Variants in TTC21A observed in about 807,000 individuals in gnomAD.
The protein encoded by TTC21A is tetratricopeptide repeat protein 21A.
TTC21A carries 128 observed loss-of-function variants against 156.4 expected under a neutral mutation model. That is an observed-to-expected ratio of 0.82 (90% confidence interval 0.71 to 0.95). The LOEUF (loss-of-function observed/expected upper bound fraction) is 0.95. Among genes scored for constraint, TTC21A ranks in the 40% least tolerant of loss-of-function variants. The pLI, the probability that TTC21A is intolerant of heterozygous loss-of-function variation, is 0.00. For synonymous variants in TTC21A, 587 were observed against 617.1 expected (o/e 0.95, Z 0.72); for missense variants, 1,435 against 1,602.3 (o/e 0.90, Z 1.78).
chr3:39,129,078 G>A lies in TTC21A; in HGVS notation c.1903G>A (p.Ala635Thr), dbSNP rs2038511665. The change falls in exon 15 of 29, where the codon GCC becomes ACC. Residue 635 changes from alanine to threonine, a missense_variant. Ala to Thr is a moderately conservative substitution (Grantham distance 58). Coordinates refer to ENST00000683103, the MANE Select transcript of TTC21A (RefSeq NM_001366900.1). ...ALRLNGELHE[A>T]TKVMQDTINE... ...TTTGATTCCCATGTTTTAGCATGAGGCCACCAAGGTCATGCAGGACACCAT... is the reference window on the plus strand; with the variant it reads ...TTTGATTCCCATGTTTTAGCATGAGACCACCAAGGTCATGCAGGACACCAT... The A allele has an allele frequency of 6.2e-7, 1 of 1,614,162 alleles. No homozygotes were observed. Among genetic ancestry groups the A allele is most frequent in the African/African-American group, 1.3e-5 (1 of 75,062 alleles).
chr3:39,137,089 C>T, intron 24 of TTC21A, 29 bp downstream of exon 24: 1 of 1,608,022 alleles, frequency 6.2e-7, no homozygotes, highest in Non-Finnish European at 8.5e-7. Flanking sequence ...AGGGGCGGAA[C>T]CCTGGGGAAG....
At chr3:39,120,783 T>C (rs1232395447) in intron 8 of TTC21A, among the ~76,000 whole-genome samples, 2 of 152,226 alleles carry the variant, frequency 1.3e-5, no homozygotes, top group African/African-American at 4.8e-5. Flanking sequence ...CAGAGGACCC[T>C]GTGGCTAGAG....
chr3:39,110,526 T>C (rs1424902529), intron 3 of TTC21A, among the ~76,000 whole-genome samples: 1 of 129,396 alleles, frequency 7.7e-6, no homozygotes, highest in Non-Finnish European at 1.6e-5. Flanking sequence ...GACTACTATT[T>C]CCCTACTCAC....
chr3:39,136,254 C>A, intron 22 of TTC21A, 103 bp from the exon 23 acceptor site: 1 of 1,279,464 alleles, frequency 7.8e-7, no homozygotes, highest in Non-Finnish European at 1.1e-6. Context: ...CCCTGCTCAG[C>A]CCAGATGGGC....
chr3:39,117,112 C>T (rs901402539), intron 6 of TTC21A, among the ~76,000 whole-genome samples: 2 of 152,132 alleles, frequency 1.3e-5, no homozygotes, highest in Non-Finnish European at 2.9e-5. Flanking sequence ...CATTTTTGCA[C>T]AGTCTACACA....
rs2038242138 is a variant in TTC21A, at chr3:39,126,357, C to T, written c.1489C>T (p.Leu497=). ...AGCAGCACCAGCTCTGATCGACCCC[C>T]TGTATTTGATGGCTCAGGTCAGGTA... ...VKAAPALIDP[L]YLMAQVRYYS... The change falls in exon 12 of 29, where the codon CTG becomes TTG. Residue 497 remains leucine (L), a synonymous_variant. Transcript: ENST00000683103. The T allele has an allele frequency of 6.2e-7, 1 of 1,614,050 alleles. No homozygotes were observed.
Position 39,107,767 on chromosome 3 carries a change from C to A in TTC21A, c.-71C>A. The A allele has an allele frequency of 6.2e-7, 1 of 1,603,130 alleles. No individual in the cohort carries two copies. Among genetic ancestry groups the A allele is most frequent in the Non-Finnish European group, 8.5e-7 (1 of 1,174,020 alleles). ...ACCGCCCGCCGCGATAGAGTGCCCA[C>A]GACCCTGCCTCGGGAATCCCGCTCT... On this transcript the variant is annotated 5_prime_UTR_variant, in exon 1 of 29. Coordinates refer to ENST00000683103, the MANE Select transcript of TTC21A (RefSeq NM_001366900.1).
At chr3:39,110,002 G>C (rs1263049286) in intron 2 of TTC21A, 27 bp from the exon 3 acceptor site, 1 of 1,550,994 alleles carries the variant, frequency 6.4e-7, no homozygotes, top group Non-Finnish European at 8.9e-7. Flanking sequence ...GAGCTTGAGA[G>C]TATAACTATG....
In TTC21A at chr3:39,128,766, A is replaced by T; in HGVS notation, c.1730A>T (p.Lys577Met). 6.2e-7 allele frequency: 1 copy of T among 1,614,142 alleles called. No homozygotes were observed. The highest frequency in any genetic ancestry group is 8.5e-7 in the Non-Finnish European group (1 of 1,180,028). The change falls in exon 14 of 29, where the codon AAG becomes ATG. Residue 577 changes from lysine to methionine, a missense_variant. Transcript: ENST00000683103. ...YHLIKARALN[K>M]AGDYPEAIKT... ...CTCATCAAGGCCAGGGCCCTCAACAAGGCTGGAGACTATCCAGAGGCCATA... is the reference window on the plus strand; with the variant it reads ...CTCATCAAGGCCAGGGCCCTCAACATGGCTGGAGACTATCCAGAGGCCATA...
At chr3:39,109,359 C>A in intron 2 of TTC21A, 145 bp downstream of exon 2, 1 of 871,200 alleles carries the variant, frequency 1.1e-6, no homozygotes, top group Non-Finnish European at 1.7e-6. Context: ...CACGGGAATC[C>A]ACAGAGGCCT....
chr3:39,122,546 G>A (rs545265511), intron 9 of TTC21A, among the ~76,000 whole-genome samples: 25 of 152,258 alleles, frequency 1.6e-4, no homozygotes, highest in South Asian at 4.1e-4. Context: ...CGAGCTCAGG[G>A]TCACCAGAGG....
rs548447458 is a variant in TTC21A at position 39,110,090 on chromosome 3, G to C, written c.219G>C (p.Leu73=). 6.2e-7 allele frequency: 1 copy of C among 1,614,132 alleles called. No homozygotes were observed. Among genetic ancestry groups the C allele is most frequent in the East Asian group, 2.2e-5 (1 of 44,886 alleles). The change falls in exon 3 of 29, where the codon CTG becomes CTC. Residue 73 remains leucine (L), a synonymous_variant. Coordinates refer to ENST00000683103, the MANE Select transcript of TTC21A (RefSeq NM_001366900.1). ...TCAGGCATCACCCAGACGTGTCCCT[G>C]TGCTCCACCATGGCCCTCATTTATG... is the stretch of plus-strand genomic sequence containing the variant. ...ESIRHHPDVS[L]CSTMALIYAH...
At chr3:39,133,701 G>A (rs1186333223) in intron 20 of TTC21A, among the ~76,000 whole-genome samples, 1 of 152,178 alleles carries the variant, frequency 6.6e-6, no homozygotes, top group East Asian at 1.9e-4. Context: ...AGAGCTTAGT[G>A]ACCGATACAT....
At chr3:39,136,234 G>T in intron 22 of TTC21A, 123 bp from the exon 23 acceptor site, 1 of 982,616 alleles carries the variant, frequency 1.0e-6, no homozygotes, top group Admixed American at 2.5e-5. Flanking sequence ...CTCTGGAGCT[G>T]TTGGAATGTC....
intron 14 of TTC21A, 52 bp from the exon 15 acceptor site, chr3:39,129,020 C>T: frequency 6.2e-7 from 1 of 1,607,258 alleles, no homozygotes; most frequent in Non-Finnish European, 8.5e-7. Flanking sequence ...TGATTCCACC[C>T]ACTGTTTACT....
chr3:39,113,540 C>T (rs563287209), intron 5 of TTC21A, among the ~76,000 whole-genome samples: 1 of 152,294 alleles, frequency 6.6e-6, no homozygotes, highest in Non-Finnish European at 1.5e-5. Context: ...ATGGGTGATC[C>T]CTGGAGGGAG....
Position 39,134,344 on chromosome 3 carries a change from C to G in TTC21A, c.2862+16C>G. The stretch of plus-strand genomic sequence containing the variant: ...CGCTTCTGTGGTAGGAAGCCCCCAG[C>G]ACCCACTCCCTCCCCTCCCTTCCTC... On this transcript the variant is annotated intron_variant, in intron 21 of 28. Transcript: ENST00000683103. The surrounding 1 kb of genome is among the most constrained non-coding windows in gnomAD (Gnocchi z 4.6). 6.5e-7 allele frequency: 1 copy of G among 1,544,402 alleles called. No homozygotes were observed. Among genetic ancestry groups the G allele is most frequent in the East Asian group, 2.2e-5 (1 of 44,552 alleles).
chr3:39,121,234 A>G (rs2125798279), intron 9 of TTC21A, 45 bp downstream of exon 9: 1 of 1,556,668 alleles, frequency 6.4e-7, no homozygotes, highest in Non-Finnish European at 8.8e-7. Context: ...GTCGGGAGCC[A>G]AACCGGGCAG....
Position 39,126,345 on chromosome 3 carries a change from C to G in TTC21A, c.1477C>G (p.Leu493Val). Reference protein sequence around the residue: ...LNPVVKAAPALIDPLYLMAQV... With the variant: ...LNPVVKAAPAVIDPLYLMAQV... ...TCCTGTAGTCAAAGCAGCACCAGCT[C>G]TGATCGACCCCCTGTATTTGATGGC... Residue 493 changes from leucine (L) to valine (V), a missense_variant, in exon 12 of 29, where the codon CTG (leucine) becomes GTG (valine). Transcript: ENST00000683103. 6.8e-6 allele frequency: 11 copies of G among 1,614,122 alleles called. No individual in the cohort carries two copies. Among genetic ancestry groups the G allele is most frequent in the Non-Finnish European group, 8.5e-6 (10 of 1,180,026 alleles).
Sources: gnomAD v4.1 joint callset for allele counts (sites outside exome capture counted in the v4.1 genomes callset) on GRCh38, gnomAD v4.1.1 for gene constraint, Gnocchi (gnomAD v3.1) non-coding constraint, MANE v1.5 for transcripts, NCBI Gene and HGNC (gene_info 2026-07-23, HGNC 2026-07-21) for gene names.